Variants in MRPS6 observed in about 807,000 individuals in gnomAD.
MRPS6 encodes the protein small ribosomal subunit protein bS6m.
A neutral mutation model predicts 13.1 loss-of-function variants in MRPS6; 6 were observed. That is an observed-to-expected ratio of 0.46 (90% CI 0.25 to 0.91). The LOEUF is 0.91. Ranked by LOEUF, MRPS6 falls within the 40% of genes least tolerant of loss-of-function variation. The probability of loss-of-function intolerance (pLI) is 0.18; values close to 1 mark genes in which losing one functional copy is unlikely to be tolerated. For synonymous variants in MRPS6, 61 were observed against 56.5 expected, an observed-to-expected ratio of 1.08 and a Z score of -0.36; for missense variants, 164 against 155.6, an observed-to-expected ratio of 1.05 and a Z score of -0.29.
At chr21:34,116,812 A>T (rs1379387822) in intron 1 of MRPS6, among the ~76,000 whole-genome samples, 6 of 152,164 alleles carry the variant, frequency 3.9e-5, no homozygotes, top group Admixed American at 3.9e-4. Flanking sequence ...AGAGAACCTC[A>T]TGCGAGAGGA....
intron 2 of MRPS6, among the ~76,000 whole-genome samples, chr21:34,141,563 G>C (rs1273507251): frequency 1.3e-5 from 2 of 152,198 alleles, no homozygotes; most frequent in Non-Finnish European, 2.9e-5. Flanking sequence ...AACAAGGCAA[G>C]CGATGACGAA....
At chr21:34,079,709 A>G (rs531222287) in intron 1 of MRPS6, among the ~76,000 whole-genome samples, 1 of 148,026 alleles carries the variant, frequency 6.8e-6, no homozygotes, top group African/African-American at 2.5e-5. Flanking sequence ...TTGGTCTCCC[A>G]AAGTGCTGGG....
At chr21:34,140,003 T>C (rs1023687230) in intron 2 of MRPS6, among the ~76,000 whole-genome samples, 3 of 152,192 alleles carry the variant, frequency 2.0e-5, no homozygotes, top group African/African-American at 7.2e-5. Context: ...AGTCTGGCTA[T>C]AGAGGCCCTT....
At chr21:34,097,943 T>G in intron 1 of MRPS6, 1 of 996,562 alleles carries the variant, frequency 1.0e-6, no homozygotes, top group Non-Finnish European at 1.2e-6. Context: ...TGTAGGTATT[T>G]TTGTACCACC....
At chr21:34,101,813 A>G in intron 1 of MRPS6, 1 of 998,752 alleles carries the variant, frequency 1.0e-6, no homozygotes, top group Non-Finnish European at 1.2e-6. Context: ...ATTTTCTCAC[A>G]CTTTGTGTTG....
intron 1 of MRPS6, 49 bp from the exon 2 acceptor site, chr21:34,125,292 T>C: frequency 6.3e-7 from 1 of 1,599,874 alleles, no homozygotes. Flanking sequence ...GCTCTTATAT[T>C]AATTCTGATG....
chr21:34,137,251 A>T (rs891878567), intron 2 of MRPS6, among the ~76,000 whole-genome samples: 4 of 152,208 alleles, frequency 2.6e-5, no homozygotes, highest in Non-Finnish European at 2.9e-5. Context: ...AATAGATCTC[A>T]ATTTTTGTTT....
chr21:34,084,502 G>A (rs143058458), intron 1 of MRPS6, among the ~76,000 whole-genome samples: 96 of 152,268 alleles, frequency 6.3e-4, no homozygotes, highest in African/African-American at 2.0e-3. Flanking sequence ...CCTAACCTTA[G>A]CAATGGATTG....
intron 2 of MRPS6, among the ~76,000 whole-genome samples, chr21:34,137,861 G>A (rs1425026934): frequency 2.0e-5 from 3 of 151,404 alleles, no homozygotes; most frequent in Admixed American, 6.6e-5. Flanking sequence ...ATCATATGGT[G>A]TTTCTTTTTT....
intron 1 of MRPS6, chr21:34,095,097 T>C (rs1978902820): frequency 1.4e-6 from 2 of 1,479,066 alleles, no homozygotes; most frequent in Admixed American, 4.4e-5. Context: ...CTCTGTGTAG[T>C]CCAGTTCACG....
intron 1 of MRPS6, among the ~76,000 whole-genome samples, chr21:34,084,126 TA>T (rs1726075259): frequency 6.8e-6 from 1 of 148,096 alleles, no homozygotes; most frequent in South Asian, 2.1e-4. Flanking sequence ...TCTTACTTCT[TA>T]CTTCTTGAGT....
chr21:34,106,272 CTAAG>C (rs1979472873), intron 1 of MRPS6: 1 of 703,178 alleles, frequency 1.4e-6, no homozygotes, highest in South Asian at 6.6e-5. Flanking sequence ...ATTTCTGTGA[CTAAG>C]TATTTTCAGT....
intron 1 of MRPS6, among the ~76,000 whole-genome samples, chr21:34,117,113 G>C (rs1419643573): frequency 1.3e-5 from 2 of 152,180 alleles, no homozygotes; most frequent in Non-Finnish European, 2.9e-5. Flanking sequence ...CTTCCAGAAA[G>C]TTTACATTTT....
At chr21:34,099,021 C>G (rs1979106426) in intron 1 of MRPS6, 2 of 990,568 alleles carry the variant, frequency 2.0e-6, no homozygotes, top group South Asian at 9.5e-5. Context: ...AGTCTATAAA[C>G]TAGTTTCATT....
intron 1 of MRPS6, among the ~76,000 whole-genome samples, chr21:34,081,102 T>C (rs1037050927): frequency 2.2e-4 from 33 of 152,178 alleles, no homozygotes; most frequent in African/African-American, 7.0e-4. Flanking sequence ...GAATTAGATA[T>C]GGCTGAAATA....
chr21:34,108,430 G>A (rs1291395289), intron 1 of MRPS6, among the ~76,000 whole-genome samples: 4 of 152,166 alleles, frequency 2.6e-5, no homozygotes, highest in Non-Finnish European at 5.9e-5. Context: ...GTGTAGTAGG[G>A]TACGCCTTCT....
At chr21:34,107,658 T>G (rs1482939931) in intron 1 of MRPS6, among the ~76,000 whole-genome samples, 1 of 152,346 alleles carries the variant, frequency 6.6e-6, no homozygotes, top group East Asian at 1.9e-4. Context: ...ACTCAAGAGC[T>G]TCCCCTTTTC....
At chr21:34,141,879 G>T (rs2123280793) in intron 2 of MRPS6, among the ~76,000 whole-genome samples, 1 of 152,252 alleles carries the variant, frequency 6.6e-6, no homozygotes, top group African/African-American at 2.4e-5. Flanking sequence ...TTTTCTTTTT[G>T]TTCCTTGTCC....
intron 1 of MRPS6, among the ~76,000 whole-genome samples, chr21:34,076,152 G>C (rs973339228): frequency 6.6e-6 from 1 of 152,218 alleles, no homozygotes; most frequent in Non-Finnish European, 1.5e-5. Context: ...GGATATGGAA[G>C]TTAAGAAACT....
Sources: gnomAD v4.1 joint callset for allele counts (sites outside exome capture counted in the v4.1 genomes callset) on GRCh38, gnomAD v4.1.1 for gene constraint, MANE v1.5 for transcripts, NCBI Gene and HGNC (gene_info 2026-07-23, HGNC 2026-07-21) for gene names.